EEFSEC: variants seen among roughly 807,000 people sequenced by gnomAD.
EEFSEC encodes the protein eukaryotic elongation factor, selenocysteine-tRNA specific, also known as selenocysteine-specific elongation factor.
EEFSEC carries 43 observed loss-of-function variants against 42.1 expected under a neutral mutation model. The ratio of observed to expected loss-of-function variants is 1.02; its 90% confidence interval spans 0.80 to 1.32. EEFSEC has a LOEUF of 1.32. Ranked by LOEUF, EEFSEC falls within the 40% of genes most tolerant of loss-of-function variation. The probability of loss-of-function intolerance (pLI) is 0.00; values close to 1 mark genes in which losing one functional copy is unlikely to be tolerated. For synonymous variants in EEFSEC, 354 were observed against 339.1 expected, an observed-to-expected ratio of 1.04 and a Z score of -0.48; for missense variants, 745 against 803.6, an observed-to-expected ratio of 0.93 and a Z score of 0.88.
chr3:128,246,961 A>G lies in EEFSEC; in HGVS notation c.442A>G (p.Ile148Val), dbSNP rs2066135206. The G allele has an allele frequency of 2.5e-6, 4 of 1,614,244 alleles. No individual in the cohort carries two copies. Among genetic ancestry groups the G allele is most frequent in the Non-Finnish European group, 2.5e-6 (3 of 1,180,046 alleles). The change falls in exon 2 of 7, where the codon ATA becomes GTA. Residue 148 changes from isoleucine to valine, a missense_variant. Ile to Val is a conservative substitution (Grantham distance 29). Coordinates refer to ENST00000254730, the MANE Select transcript of EEFSEC (RefSeq NM_021937.5). ...GAAGCTGGTCGTGGTGCTGAACAAA[A>G]TAGACCTCTTACCTGAAGGAAAGAG... ...CQKLVVVLNKIDLLPEGKRQA... is the reference protein window; with the variant it reads ...CQKLVVVLNKVDLLPEGKRQA...
chr3:128,275,394 C>T (rs2066457694), intron 4 of EEFSEC, among the ~76,000 whole-genome samples: 3 of 152,190 alleles, frequency 2.0e-5, no homozygotes, highest in Admixed American at 6.5e-5. Flanking sequence ...AAAGTGTGGC[C>T]ATGCAGGGCT....
At chr3:128,306,553 A>G (rs2066829454) in intron 4 of EEFSEC, among the ~76,000 whole-genome samples, 1 of 152,086 alleles carries the variant, frequency 6.6e-6, no homozygotes, top group South Asian at 2.1e-4. Context: ...TTTCTGAGTC[A>G]TTTTGTTTTA....
chr3:128,336,065 G>A (rs1353163841), intron 4 of EEFSEC, among the ~76,000 whole-genome samples: 2 of 152,190 alleles, frequency 1.3e-5, no homozygotes, highest in Middle Eastern at 3.4e-3. Flanking sequence ...ACCTCCCCTG[G>A]AACTCAGACG....
At chr3:128,221,306 A>G (rs2065858996) in intron 1 of EEFSEC, among the ~76,000 whole-genome samples, 1 of 152,280 alleles carries the variant, frequency 6.6e-6, no homozygotes, top group Non-Finnish European at 1.5e-5. Context: ...AGCAGGGAAT[A>G]TGAATGGAAG....
At chr3:128,354,692 A>G (rs1335862596) in intron 5 of EEFSEC, among the ~76,000 whole-genome samples, 4 of 152,178 alleles carry the variant, frequency 2.6e-5, no homozygotes, top group African/African-American at 9.6e-5. Context: ...TCATTGCAAG[A>G]CCCTGGCTTG....
At chr3:128,410,727 G>C (rs898567837), downstream of EEFSEC, among the ~76,000 whole-genome samples, 10 of 152,276 alleles carry the variant, frequency 6.6e-5, no homozygotes, top group African/African-American at 2.4e-4. Flanking sequence ...CGGCCCTAGG[G>C]TGGGCCCCAC....
At chr3:128,170,839 A>T (rs2065289012) in intron 1 of EEFSEC, among the ~76,000 whole-genome samples, 2 of 152,374 alleles carry the variant, frequency 1.3e-5, no homozygotes, top group South Asian at 2.1e-4. Context: ...GGCAACCAAT[A>T]AAGTTTCTTT....
intron 1 of EEFSEC, among the ~76,000 whole-genome samples, chr3:128,161,119 T>C (rs1477813280): frequency 2.6e-5 from 4 of 152,198 alleles, no homozygotes; most frequent in African/African-American, 9.6e-5. Flanking sequence ...GCACAGCCCA[T>C]ACGCTGGCAT....
At chr3:128,154,448 CTTTTTT>C (rs763398966) in intron 1 of EEFSEC, among the ~76,000 whole-genome samples, 1 of 145,500 alleles carries the variant, frequency 6.9e-6, no homozygotes, top group African/African-American at 2.5e-5. Context: ...TTTTCTTTTT[CTTTTTT>C]TTTTTTTCTT....
chr3:128,302,971 G>A (rs2066786474), intron 4 of EEFSEC, among the ~76,000 whole-genome samples: 1 of 152,042 alleles, frequency 6.6e-6, no homozygotes, highest in South Asian at 2.1e-4. Context: ...TTGATGGACT[G>A]TTGCCTTTTA....
At chr3:128,405,976 G>A (rs2068104959) in intron 6 of EEFSEC, among the ~76,000 whole-genome samples, 1 of 152,230 alleles carries the variant, frequency 6.6e-6, no homozygotes, top group African/African-American at 2.4e-5. Context: ...CCTAGCAGCA[G>A]TCTCAGGAGC....
intron 1 of EEFSEC, among the ~76,000 whole-genome samples, chr3:128,217,061 A>G (rs2065818098): frequency 6.6e-6 from 1 of 152,202 alleles, no homozygotes; most frequent in Non-Finnish European, 1.5e-5. Context: ...TCTTATCCCA[A>G]TTTTGGAAAA....
intron 6 of EEFSEC, among the ~76,000 whole-genome samples, chr3:128,394,451 C>T (rs2067955800): frequency 6.6e-6 from 1 of 151,912 alleles, no homozygotes; most frequent in African/African-American, 2.4e-5. Flanking sequence ...TTTTTTCCCC[C>T]ACCAAGTCAT....
chr3:128,156,931 A>C (rs1328841401), intron 1 of EEFSEC, among the ~76,000 whole-genome samples: 1 of 152,244 alleles, frequency 6.6e-6, no homozygotes, highest in Admixed American at 6.5e-5. Context: ...AGAAATGATT[A>C]AGCTTAGTGA....
At chr3:128,363,267 C>T (rs1215914559) in intron 6 of EEFSEC, among the ~76,000 whole-genome samples, 1 of 152,192 alleles carries the variant, frequency 6.6e-6, no homozygotes, top group Non-Finnish European at 1.5e-5. Flanking sequence ...TAGTCTGTGC[C>T]CAGGGAGGTG....
intron 1 of EEFSEC, among the ~76,000 whole-genome samples, chr3:128,244,900 T>C (rs1396352423): frequency 1.3e-5 from 2 of 152,208 alleles, no homozygotes; most frequent in Non-Finnish European, 2.9e-5. Flanking sequence ...ATAAAGAGCT[T>C]CTTCATTCTT....
At chr3:128,340,902 GGACTGGA>G (rs2067242780) in intron 4 of EEFSEC, among the ~76,000 whole-genome samples, 1 of 152,186 alleles carries the variant, frequency 6.6e-6, no homozygotes, top group African/African-American at 2.4e-5. Context: ...GAACTTGGAG[GGACTGGA>G]GCCTGGATTG....
the EEFSEC span, among the ~76,000 whole-genome samples, chr3:128,421,944 G>A: frequency 6.6e-6 from 1 of 152,180 alleles, no homozygotes; most frequent in African/African-American, 2.4e-5. Context: ...TCCCCCGGCC[G>A]ACTGATAACT....
chr3:128,191,380 G>A (rs548584998), intron 1 of EEFSEC, among the ~76,000 whole-genome samples: 61 of 152,006 alleles, frequency 4.0e-4, no homozygotes, highest in African/African-American at 1.4e-3. Flanking sequence ...CTGCAACATG[G>A]GCTCAAGCAA....
Sources: allele counts gnomAD v4.1 joint callset (sites outside exome capture counted in the v4.1 genomes callset), GRCh38; gene constraint gnomAD v4.1.1; transcripts MANE v1.5; gene names NCBI Gene and HGNC (gene_info 2026-07-23, HGNC 2026-07-21).